The following CACNA2D1 variants were observed in gnomAD, a reference collection of about 807,000 sequenced individuals.
CACNA2D1 encodes the protein calcium voltage-gated channel auxiliary subunit alpha2delta 1, also known as voltage-dependent calcium channel subunit alpha-2/delta-1.
A neutral mutation model predicts 171.5 loss-of-function variants in CACNA2D1; 53 were observed. That is an observed-to-expected ratio of 0.31 (90% CI 0.25 to 0.39). CACNA2D1 has a LOEUF of 0.39. Among genes scored for constraint, CACNA2D1 ranks in the 10% least tolerant of loss-of-function variants. CACNA2D1 has a pLI of 1.00. For synonymous variants in CACNA2D1, 442 were observed against 443.1 expected (o/e 1.00, Z 0.03); for missense variants, 903 against 1,299.8 (o/e 0.69, Z 4.69).
intron 4 of CACNA2D1, among the ~76,000 whole-genome samples, chr7:82,157,540 T>C (rs549679857): frequency 6.6e-6 from 1 of 152,106 alleles, no homozygotes; most frequent in African/African-American, 2.4e-5. Flanking sequence ...CTTGTAAAAA[T>C]AGAGACAATT....
chr7:82,358,144 A>G (rs1230748323), intron 1 of CACNA2D1, among the ~76,000 whole-genome samples: 1 of 152,162 alleles, frequency 6.6e-6, no homozygotes, highest in African/African-American at 2.4e-5. Context: ...AAGTTCATAT[A>G]TTTCAAAAGT....
chr7:81,955,973 TA>T (rs1793252511), intron 38 of CACNA2D1, among the ~76,000 whole-genome samples: 2 of 74,328 alleles, frequency 2.7e-5, no homozygotes. Flanking sequence ...TATATATATA[TA>T]TATATATTTT....
At chr7:82,155,850 A>G (rs11984254) in intron 4 of CACNA2D1, among the ~76,000 whole-genome samples, 20,486 of 152,208 alleles carry the variant, frequency 0.13, 1,721 homozygotes, top group African/African-American at 0.25. Flanking sequence ...AGAGCAGCTG[A>G]AACAGACAAC....
At chr7:82,209,539 C>T (rs1475277207) in intron 3 of CACNA2D1, among the ~76,000 whole-genome samples, 4 of 152,104 alleles carry the variant, frequency 2.6e-5, no homozygotes, top group Non-Finnish European at 2.9e-5. Context: ...GTCAATCAAA[C>T]CGCCTCATAA....
In CACNA2D1 at chr7:82,117,788, TAAAC is replaced by T. The variant is rs941582568; in HGVS notation, c.397-619_397-616del. 3.4e-3 allele frequency among the ~76,000 whole-genome samples: 516 copies of T among 151,936 alleles called. 8 individuals are homozygous for T. Among genetic ancestry groups the T allele is most frequent in the South Asian group, 0.028 (137 of 4,818 alleles). Reference sequence around the variant, plus strand: ...AAAGTGAGACCCTGCCTCAAATAAATAAACAAACAAACAAACAGACAAATAAAAT... The same window carrying T: ...AAAGTGAGACCCTGCCTCAAATAAATAAACAAACAAACAGACAAATAAAAT... On this transcript the variant is annotated intron_variant, in intron 5 of 38. Transcript: ENST00000356860.
intron 38 of CACNA2D1, 105 bp from the exon 39 acceptor site, chr7:81,950,613 C>T: frequency 7.0e-7 from 1 of 1,427,486 alleles, no homozygotes; most frequent in Non-Finnish European, 9.3e-7. Flanking sequence ...AGTTCACTTT[C>T]TGAACTTACC....
chr7:82,419,540 G>A (rs529432256), intron 1 of CACNA2D1, among the ~76,000 whole-genome samples: 3 of 152,074 alleles, frequency 2.0e-5, no homozygotes, highest in African/African-American at 7.2e-5. Flanking sequence ...CAGGAACAAG[G>A]GAAATTTACC....
chr7:82,131,413 CT>C (rs1382150462), intron 5 of CACNA2D1, among the ~76,000 whole-genome samples: 1 of 152,160 alleles, frequency 6.6e-6, no homozygotes, highest in African/African-American at 2.4e-5. Flanking sequence ...ACATCACTTC[CT>C]TTGTCTGTCT....
intron 21 of CACNA2D1, among the ~76,000 whole-genome samples, chr7:81,986,829 T>C (rs1233158447): frequency 2.6e-5 from 4 of 152,298 alleles, no homozygotes; most frequent in African/African-American, 7.2e-5. Flanking sequence ...GACAGCAAGA[T>C]GACCTTTCAT....
At chr7:82,313,304 G>C (rs751340135) in intron 3 of CACNA2D1, among the ~76,000 whole-genome samples, 13 of 152,074 alleles carry the variant, frequency 8.5e-5, no homozygotes, top group Non-Finnish European at 1.6e-4. Context: ...ATATTTCTTT[G>C]ACCTATTTTG....
chr7:82,293,277 T>G (rs1355225932), intron 3 of CACNA2D1, among the ~76,000 whole-genome samples: 1 of 152,162 alleles, frequency 6.6e-6, no homozygotes, highest in Admixed American at 6.5e-5. Flanking sequence ...TTGCCTCTGT[T>G]TTTTGCTTTT....
intron 4 of CACNA2D1, among the ~76,000 whole-genome samples, chr7:82,168,609 T>C (rs1483394907): frequency 6.6e-6 from 1 of 152,062 alleles, no homozygotes; most frequent in Non-Finnish European, 1.5e-5. Context: ...AACAAAATAA[T>C]TGCCAAATGT....
chr7:82,289,864 C>G (rs1811303139), intron 3 of CACNA2D1, among the ~76,000 whole-genome samples: 1 of 152,214 alleles, frequency 6.6e-6, no homozygotes, highest in Non-Finnish European at 1.5e-5. Flanking sequence ...ATCAATGGCA[C>G]CAGGTATAGG....
chr7:82,095,758 C>A (rs1378103009), intron 6 of CACNA2D1, among the ~76,000 whole-genome samples: 1 of 152,040 alleles, frequency 6.6e-6, no homozygotes, highest in Non-Finnish European at 1.5e-5. Context: ...CATATCTGAC[C>A]AAGTACAAAT....
At chr7:82,356,139 A>G (rs1820395769) in intron 1 of CACNA2D1, among the ~76,000 whole-genome samples, 1 of 147,172 alleles carries the variant, frequency 6.8e-6, no homozygotes, top group Admixed American at 6.6e-5. Flanking sequence ...TCTCTATGCT[A>G]AAGTATTTAA....
In CACNA2D1 at chr7:82,081,935, G is replaced by C. The variant is rs185339200; in HGVS notation, c.658+2834C>G. Among the ~76,000 whole-genome samples the C allele has an allele frequency of 3.3e-5, 5 of 152,344 alleles. No individual in the cohort carries two copies. The East Asian group carries it at 7.7e-4, about 24-fold the overall frequency. ...CAGAAGCGGGCTCTATGTGGGGCTTGTGGTTAGACCAGGCATGTCATAAGT... is the reference window on the plus strand; with the variant it reads ...CAGAAGCGGGCTCTATGTGGGGCTTCTGGTTAGACCAGGCATGTCATAAGT... On this transcript the variant is annotated intron_variant, in intron 7 of 38. Coordinates refer to ENST00000356860, the MANE Select transcript of CACNA2D1 (RefSeq NM_000722.4).
At chr7:82,173,002 T>C (rs1202244091) in intron 3 of CACNA2D1, among the ~76,000 whole-genome samples, 1 of 152,114 alleles carries the variant, frequency 6.6e-6, no homozygotes, top group East Asian at 1.9e-4. Context: ...CAAAACACAC[T>C]AGTGAGCATT....
intron 3 of CACNA2D1, among the ~76,000 whole-genome samples, chr7:82,253,881 GAAAT>G (rs1805966348): frequency 6.6e-6 from 1 of 152,016 alleles, no homozygotes; most frequent in African/African-American, 2.4e-5. Flanking sequence ...TTTTTGGAAA[GAAAT>G]AAACTCTTTT....
At chr7:82,288,183 T>C (rs561639454) in intron 3 of CACNA2D1, among the ~76,000 whole-genome samples, 2 of 152,214 alleles carry the variant, frequency 1.3e-5, no homozygotes, top group African/African-American at 4.8e-5. Flanking sequence ...TAGAGTAAAC[T>C]TTCCTGCAAT....
Sources: gnomAD v4.1 joint callset for allele counts (sites outside exome capture counted in the v4.1 genomes callset) on GRCh38, gnomAD v4.1.1 for gene constraint, MANE v1.5 for transcripts, NCBI Gene and HGNC (gene_info 2026-07-23, HGNC 2026-07-21) for gene names.